FAM13A: variants seen among roughly 807,000 people sequenced by gnomAD.
FAM13A encodes family with sequence similarity 13 member A, also known as protein FAM13A.
A neutral mutation model predicts 129.6 loss-of-function variants in FAM13A; 76 were observed. The ratio of observed to expected loss-of-function variants is 0.59; its 90% CI spans 0.49 to 0.71. FAM13A has a LOEUF of 0.71. Among genes scored for constraint, FAM13A ranks in the 30% least tolerant of loss-of-function variants. The pLI is 0.00. For missense variants in FAM13A, 1,108 were observed against 1,249.3 expected (o/e 0.89, Z 1.70); for synonymous variants, 443 against 449.9 (o/e 0.98, Z 0.20).
chr4:88,988,137 CATTAA>C (rs1166869554), intron 4 of FAM13A, among the ~76,000 whole-genome samples: 2 of 151,832 alleles, frequency 1.3e-5, no homozygotes, highest in East Asian at 1.9e-4. Flanking sequence ...AGGAACTTAA[CATTAA>C]ATTAAATTAA....
intron 3 of FAM13A, among the ~76,000 whole-genome samples, chr4:89,007,957 A>C (rs1765264608): frequency 6.6e-6 from 1 of 152,234 alleles, no homozygotes; most frequent in African/African-American, 2.4e-5. Flanking sequence ...ATTCTCAAAA[A>C]GGATCAATAT....
chr4:88,768,171 C>G lies in FAM13A; in HGVS notation c.1459-112G>C, dbSNP rs1746070297. 28 of 568,678 alleles carry G rather than the reference C, an allele frequency of 4.9e-5. No individual in the cohort carries two copies. In the East Asian group the frequency reaches 8.1e-4, roughly 16 times the overall value. 35.2% of individuals were successfully genotyped at this position (568,678 alleles called of 1,614,324 possible). On this transcript the variant is annotated intron_variant, in intron 11 of 23. Transcript: ENST00000264344. ...AATAATATGTATATATAAACTAATT[C>G]TAGTCCTCATATTTTTATCTTTGTT...
intron 1 of FAM13A, among the ~76,000 whole-genome samples, chr4:89,033,590 A>G (rs1333259992): frequency 2.0e-5 from 3 of 152,230 alleles, no homozygotes; most frequent in Non-Finnish European, 4.4e-5. Flanking sequence ...TGTAGCAGAG[A>G]AAAATAGTTA....
intron 14 of FAM13A, among the ~76,000 whole-genome samples, chr4:88,752,668 T>C (rs1417838968): frequency 1.3e-5 from 2 of 152,008 alleles, no homozygotes; most frequent in African/African-American, 4.8e-5. Flanking sequence ...TCCTAAGTGG[T>C]AGGACTTGGG....
At chr4:88,752,730 C>T (rs926250467) in intron 14 of FAM13A, among the ~76,000 whole-genome samples, 3 of 151,836 alleles carry the variant, frequency 2.0e-5, no homozygotes, top group South Asian at 4.2e-4. Context: ...GACTGAGAGG[C>T]GAAGTAAGGA....
intron 8 of FAM13A, among the ~76,000 whole-genome samples, chr4:88,801,437 T>C (rs1438429361): frequency 4.6e-5 from 7 of 152,224 alleles, no homozygotes; most frequent in Non-Finnish European, 1.0e-4. Context: ...CATGCTAAAT[T>C]AATAATTTAG....
chr4:89,029,439 C>T (rs745675689), intron 2 of FAM13A, 21 bp downstream of exon 2: 3 of 1,576,370 alleles, frequency 1.9e-6, no homozygotes, highest in Admixed American at 3.7e-5. Flanking sequence ...AATGAACAGA[C>T]TAAAGCATGA....
At chr4:89,030,567 G>C (rs1437001389) in intron 1 of FAM13A, among the ~76,000 whole-genome samples, 6 of 152,094 alleles carry the variant, frequency 3.9e-5, no homozygotes, top group Non-Finnish European at 8.8e-5. Context: ...TACCAATGTG[G>C]AAATACTATT....
intron 1 of FAM13A, among the ~76,000 whole-genome samples, chr4:89,042,338 G>A (rs1770257852): frequency 6.6e-6 from 1 of 152,154 alleles, no homozygotes; most frequent in African/African-American, 2.4e-5. Flanking sequence ...GCTAGCTATG[G>A]ACTTATTTTA....
intron 19 of FAM13A, among the ~76,000 whole-genome samples, chr4:88,745,648 C>G (rs978876372): frequency 2.6e-5 from 4 of 152,198 alleles, no homozygotes; most frequent in Admixed American, 1.3e-4. Context: ...AAGAAGTTCA[C>G]TTCTGCCTCT....
At chr4:88,794,453 CA>C (rs1349152259) in intron 8 of FAM13A, among the ~76,000 whole-genome samples, 1 of 151,868 alleles carries the variant, frequency 6.6e-6, no homozygotes, top group Non-Finnish European at 1.5e-5. Flanking sequence ...GTAAAATTTG[CA>C]TGTGATAAGA....
chr4:88,926,732 A>G (rs1055323224), intron 5 of FAM13A, among the ~76,000 whole-genome samples: 1 of 152,194 alleles, frequency 6.6e-6, no homozygotes, highest in African/African-American at 2.4e-5. Context: ...TGGAGCCATA[A>G]AGCATTCCAA....
At chr4:88,917,308 T>G (rs945303308) in intron 5 of FAM13A, among the ~76,000 whole-genome samples, 1 of 152,052 alleles carries the variant, frequency 6.6e-6, no homozygotes, top group African/African-American at 2.4e-5. Flanking sequence ...AATAACCAGC[T>G]CTTGCAGAAA....
At chr4:88,892,508 A>T (rs1233122659) in intron 6 of FAM13A, among the ~76,000 whole-genome samples, 1 of 152,134 alleles carries the variant, frequency 6.6e-6, no homozygotes, top group African/African-American at 2.4e-5. Flanking sequence ...AACAACAACA[A>T]CAAAAATACT....
intron 1 of FAM13A, among the ~76,000 whole-genome samples, chr4:89,049,051 T>C (rs1771220932): frequency 6.6e-6 from 1 of 152,178 alleles, no homozygotes; most frequent in African/African-American, 2.4e-5. Flanking sequence ...TCTCAACACA[T>C]TTACTGGAAT....
chr4:88,888,311 GCCAGGCTTA>G (rs141892857), intron 6 of FAM13A, among the ~76,000 whole-genome samples: 2,018 of 152,236 alleles, frequency 0.013, 42 homozygotes, highest in African/African-American at 0.046. Context: ...GCTTTGTACT[GCCAGGCTTA>G]AAGCCCAGAA....
chr4:88,997,973 C>T (rs1030467827), intron 3 of FAM13A, among the ~76,000 whole-genome samples: 9 of 152,104 alleles, frequency 5.9e-5, no homozygotes, highest in Non-Finnish European at 7.3e-5. Flanking sequence ...GTTATAAACT[C>T]GACAACACGG....
At chr4:88,987,853 A>AAAAAAAAAAAAAAAAC (rs1382992709) in intron 4 of FAM13A, among the ~76,000 whole-genome samples, 1 of 151,112 alleles carries the variant, frequency 6.6e-6, no homozygotes, top group Non-Finnish European at 1.5e-5. Context: ...AAAAAAAAAA[A>AAAAAAAAAAAAAAAAC]AACTTAATCT....
At chr4:88,792,440 C>G (rs1725366516) in intron 8 of FAM13A, among the ~76,000 whole-genome samples, 1 of 152,116 alleles carries the variant, frequency 6.6e-6, no homozygotes, top group Non-Finnish European at 1.5e-5. Flanking sequence ...ACAACAATTT[C>G]TCCTCTGCCT....
Sources: gnomAD v4.1 joint callset for allele counts (sites outside exome capture counted in the v4.1 genomes callset) on GRCh38, gnomAD v4.1.1 for gene constraint, MANE v1.5 for transcripts, NCBI Gene and HGNC (gene_info 2026-07-23, HGNC 2026-07-21) for gene names.